Variants in MAGI2 observed in about 807,000 individuals in gnomAD.
MAGI2 encodes the protein membrane associated guanylate kinase, WW and PDZ domain containing 2.
MAGI2 carries 35 observed loss-of-function variants against 133.3 expected under a neutral mutation model. The observed-to-expected ratio is 0.26, with a 90% CI of 0.20 to 0.35. MAGI2 has a LOEUF of 0.35. Ranked by LOEUF, MAGI2 falls within the 10% of genes least tolerant of loss-of-function variation. The pLI is 1.00. For missense variants in MAGI2, 1,636 were observed against 1,863.4 expected (o/e 0.88, Z 2.25); for synonymous variants, 729 against 710.6 (o/e 1.03, Z -0.41).
chr7:78,500,993 C>T (rs11983701), intron 5 of MAGI2, among the ~76,000 whole-genome samples: 27,277 of 152,072 alleles, frequency 0.18, 2,586 homozygotes, highest in South Asian at 0.37. Flanking sequence ...GAGACTGAGG[C>T]GGGAGGACTG....
chr7:79,404,483 G>C (rs896525784), intron 1 of MAGI2, among the ~76,000 whole-genome samples: 2 of 152,020 alleles, frequency 1.3e-5, no homozygotes, highest in Admixed American at 1.3e-4. Flanking sequence ...TTACAGGTGT[G>C]ACCCACCGTG....
chr7:78,606,197 T>C (rs765059266), intron 3 of MAGI2, among the ~76,000 whole-genome samples: 33 of 152,064 alleles, frequency 2.2e-4, no homozygotes, highest in Non-Finnish European at 4.4e-4. Context: ...ATGTGCTCAG[T>C]TGAATTTTAG....
intron 1 of MAGI2, among the ~76,000 whole-genome samples, chr7:79,028,283 A>G (rs1157280707): frequency 7.4e-5 from 4 of 54,300 alleles, no homozygotes; most frequent in Non-Finnish European, 1.2e-4. Context: ...GTATGTATAT[A>G]TATATATATG....
chr7:78,608,466 T>C (rs1806068681), intron 3 of MAGI2, among the ~76,000 whole-genome samples: 1 of 148,688 alleles, frequency 6.7e-6, no homozygotes, highest in South Asian at 2.1e-4. Flanking sequence ...TATATGTGTG[T>C]GTATGTATAT....
intron 3 of MAGI2, among the ~76,000 whole-genome samples, chr7:78,604,440 G>A (rs565190925): frequency 1.1e-4 from 16 of 152,208 alleles, no homozygotes; most frequent in Non-Finnish European, 1.9e-4. Context: ...TTTACTGGCC[G>A]CCTTTTATCC....
At chr7:78,034,388 TTTA>T (rs1229386764) in intron 21 of MAGI2, among the ~76,000 whole-genome samples, 16 of 152,142 alleles carry the variant, frequency 1.1e-4, no homozygotes, top group African/African-American at 3.6e-4. Flanking sequence ...TGATCATAAT[TTTA>T]TTATAAGCAG....
At chr7:78,805,260 A>G (rs959252872) in intron 2 of MAGI2, among the ~76,000 whole-genome samples, 1 of 151,000 alleles carries the variant, frequency 6.6e-6, no homozygotes, top group African/African-American at 2.4e-5. Flanking sequence ...GAAGAGTAAA[A>G]AAAAAAAAAA....
rs117172965 is a variant in MAGI2, at chr7:79,316,081, T to C, written c.301+136939A>G. 2.7e-3 allele frequency among the ~76,000 whole-genome samples: 408 copies of C among 152,042 alleles called. 1 individual carries two copies. The highest frequency in any genetic ancestry group is 5.4e-3 in the South Asian group (26 of 4,804). Reference sequence around the variant, plus strand: ...TAATTGTGAGGATTAAATGTAAATATAACGTAAGCCTCAAAATTCAAAAAG... The same window carrying C: ...TAATTGTGAGGATTAAATGTAAATACAACGTAAGCCTCAAAATTCAAAAAG... On this transcript the variant is annotated intron_variant, in intron 1 of 21. Transcript: ENST00000354212.
chr7:78,167,949 T>G lies in MAGI2; in HGVS notation c.2563A>C (p.Asn855His). 6.2e-7 allele frequency: 1 copy of G among 1,614,154 alleles called. No individual in the cohort carries two copies. Among genetic ancestry groups the G allele is most frequent in the Non-Finnish European group, 8.5e-7 (1 of 1,180,006 alleles). ...AGCACCTTTCTTCTCACAGTGAGGT[T>G]GACCTGCCCATTGCGGGCTGCGTGG... ...MHHAARNGQV[N>H]LTVRRKVLCG... Residue 855 changes from asparagine to histidine, a missense_variant, in exon 15 of 22, where the codon AAC becomes CAC. Physicochemically the swap from Asn to His is moderately conservative, Grantham distance 68. Around this residue, in one of 5 missense-constraint regions of MAGI2, gnomAD observed 920 missense variants for 1,093.5 expected, o/e 0.84. Coordinates refer to ENST00000354212, the MANE Select transcript of MAGI2 (RefSeq NM_012301.4).
chr7:78,736,838 T>A (rs951420844), intron 2 of MAGI2, among the ~76,000 whole-genome samples: 10 of 152,090 alleles, frequency 6.6e-5, no homozygotes, highest in South Asian at 2.1e-4. Context: ...GTAAAAAAAA[T>A]GTTAAATCAT....
At chr7:78,847,281 T>G (rs1284893508) in intron 2 of MAGI2, among the ~76,000 whole-genome samples, 3 of 151,994 alleles carry the variant, frequency 2.0e-5, no homozygotes, top group Non-Finnish European at 4.4e-5. Context: ...GGATTCTACT[T>G]TTGTAGACAT....
intron 20 of MAGI2, among the ~76,000 whole-genome samples, chr7:78,113,004 G>C (rs1191427625): frequency 6.6e-6 from 1 of 152,162 alleles, no homozygotes; most frequent in African/African-American, 2.4e-5. Flanking sequence ...ACGGGTGGGG[G>C]AAGAGCCTTT....
intron 20 of MAGI2, among the ~76,000 whole-genome samples, chr7:78,082,252 T>C (rs1816056536): frequency 6.6e-6 from 1 of 152,184 alleles, no homozygotes; most frequent in East Asian, 1.9e-4. Flanking sequence ...TTTTCCCTTT[T>C]CCCTACAAGG....
chr7:78,919,826 G>T (rs1437280697), intron 2 of MAGI2, among the ~76,000 whole-genome samples: 2 of 152,052 alleles, frequency 1.3e-5, no homozygotes, highest in African/African-American at 4.8e-5. Flanking sequence ...TAATGAGTAG[G>T]TTAAATATTT....
At chr7:78,655,335 G>C (rs1812061741) in intron 2 of MAGI2, among the ~76,000 whole-genome samples, 1 of 151,172 alleles carries the variant, frequency 6.6e-6, no homozygotes, top group Non-Finnish European at 1.5e-5. Context: ...TGACCGAAAA[G>C]GAGTCGGTAG....
intron 1 of MAGI2, among the ~76,000 whole-genome samples, chr7:79,283,392 T>C (rs1835789549): frequency 6.6e-6 from 1 of 152,144 alleles, no homozygotes; most frequent in Non-Finnish European, 1.5e-5. Flanking sequence ...TATTTAAGTT[T>C]GCATAGCATT....
At chr7:79,105,687 C>A (rs894101598) in intron 1 of MAGI2, among the ~76,000 whole-genome samples, 34 of 152,226 alleles carry the variant, frequency 2.2e-4, no homozygotes, top group African/African-American at 8.2e-4. Flanking sequence ...TATCACAGAG[C>A]AAAATTCATA....
intron 3 of MAGI2, among the ~76,000 whole-genome samples, chr7:78,595,893 T>C (rs1010307446): frequency 6.6e-6 from 1 of 152,152 alleles, no homozygotes; most frequent in Non-Finnish European, 1.5e-5. Flanking sequence ...CCTAGAGTTT[T>C]TCCAATACAA....
chr7:78,530,185 G>C (rs923787206), intron 3 of MAGI2, among the ~76,000 whole-genome samples: 7 of 152,092 alleles, frequency 4.6e-5, no homozygotes, highest in African/African-American at 1.4e-4. Context: ...AAATAACTGA[G>C]AAAACTGAGT....
Sources: allele counts gnomAD v4.1 joint callset (sites outside exome capture counted in the v4.1 genomes callset), GRCh38; gene constraint gnomAD v4.1.1; regional missense constraint gnomAD v4.1.1; transcripts MANE v1.5; gene names NCBI Gene and HGNC (gene_info 2026-07-23, HGNC 2026-07-21).